CDK14: variants seen among roughly 807,000 people sequenced by gnomAD.
CDK14 encodes the protein cyclin dependent kinase 14, also known as cyclin-dependent kinase 14.
A neutral mutation model predicts 60.7 loss-of-function variants in CDK14; 34 were observed. The ratio of observed to expected loss-of-function variants is 0.56; its 90% CI spans 0.43 to 0.75. The LOEUF (loss-of-function observed/expected upper bound fraction) is 0.75. Ranked by LOEUF, CDK14 falls within the 30% of genes least tolerant of loss-of-function variation. The pLI, the probability that CDK14 is intolerant of heterozygous loss-of-function variation, is 0.00. For missense variants in CDK14, 482 were observed against 564.1 expected (o/e 0.85, Z 1.47); for synonymous variants, 197 against 203.7 (o/e 0.97, Z 0.28).
At chr7:90,656,878 C>T (rs1489127480) in intron 2 of CDK14, among the ~76,000 whole-genome samples, 7 of 152,032 alleles carry the variant, frequency 4.6e-5, no homozygotes, top group Non-Finnish European at 1.0e-4. Flanking sequence ...AAAACAGGCA[C>T]AACTAACAAT....
chr7:91,119,521 C>T (rs1368962582), intron 14 of CDK14, among the ~76,000 whole-genome samples: 1 of 152,106 alleles, frequency 6.6e-6, no homozygotes, highest in Non-Finnish European at 1.5e-5. Flanking sequence ...GTTCAAGTAA[C>T]TCAAAGGATA....
chr7:91,047,175 A>G (rs753919248), intron 11 of CDK14, among the ~76,000 whole-genome samples: 1 of 152,154 alleles, frequency 6.6e-6, no homozygotes, highest in South Asian at 2.1e-4. Flanking sequence ...AAACGATCCA[A>G]TTGTGGGCTC....
At chr7:91,144,845 A>C (rs1294008110) in intron 14 of CDK14, among the ~76,000 whole-genome samples, 1 of 152,174 alleles carries the variant, frequency 6.6e-6, no homozygotes, top group Non-Finnish European at 1.5e-5. Context: ...AAAAAGAAAA[A>C]CATAAGCAAC....
intron 12 of CDK14, among the ~76,000 whole-genome samples, chr7:91,080,363 C>T (rs1798451915): frequency 6.6e-6 from 1 of 152,090 alleles, no homozygotes; most frequent in African/African-American, 2.4e-5. Flanking sequence ...CAGCTAATGG[C>T]GAGGAACTCA....
intron 3 of CDK14, among the ~76,000 whole-genome samples, chr7:90,738,377 GTTATTA>G (rs1429299777): frequency 6.6e-6 from 1 of 151,976 alleles, no homozygotes; most frequent in African/African-American, 2.4e-5. Flanking sequence ...TTAGCTAGTT[GTTATTA>G]TTATTACACA....
chr7:91,118,010 C>A (rs980182276), intron 13 of CDK14, 55 bp from the exon 14 acceptor site: 8 of 1,002,862 alleles, frequency 8.0e-6, no homozygotes, highest in South Asian at 3.3e-5. Context: ...AAAAAAAAAA[C>A]ATGATTATAA....
At position 90,886,052 on chromosome 7, in the gene CDK14, T is replaced by G. The variant is rs541061087; in HGVS notation, c.640-13239T>G. ...TTAGAAGAAATAAATAAAAAATAAT[T>G]TTTGGATAAATTTAAAATTCTTAAA... On this transcript the variant is annotated intron_variant, in intron 6 of 14. Transcript: ENST00000380050. 6.6e-5 allele frequency among the ~76,000 whole-genome samples: 10 copies of G among 152,230 alleles called. No individual in the cohort carries two copies. The East Asian group carries it at 1.7e-3, about 26-fold the overall frequency.
At chr7:91,154,944 T>C (rs1800942142) in intron 14 of CDK14, among the ~76,000 whole-genome samples, 1 of 152,182 alleles carries the variant, frequency 6.6e-6, no homozygotes, top group Non-Finnish European at 1.5e-5. Context: ...GAAGTGGATG[T>C]TTCAGTGATG....
chr7:90,749,793 A>G (rs1161020104), intron 4 of CDK14, among the ~76,000 whole-genome samples: 2 of 152,110 alleles, frequency 1.3e-5, no homozygotes, highest in Non-Finnish European at 2.9e-5. Flanking sequence ...GTGGCTTTCT[A>G]CTGGATTCTC....
intron 5 of CDK14, among the ~76,000 whole-genome samples, chr7:90,849,610 C>T (rs1790579572): frequency 6.6e-6 from 1 of 151,936 alleles, no homozygotes; most frequent in Non-Finnish European, 1.5e-5. Flanking sequence ...AGCAGTGATG[C>T]TTGTTGAAGG....
chr7:91,070,564 G>A (rs2116176599), intron 11 of CDK14, among the ~76,000 whole-genome samples: 1 of 152,224 alleles, frequency 6.6e-6, no homozygotes, highest in Non-Finnish European at 1.5e-5. Context: ...TTTGAGACCA[G>A]CATGGGCAAC....
Position 90,733,050 on chromosome 7 carries a change from C to T in CDK14, c.369+6238C>T, listed in dbSNP as rs75422480. Among the ~76,000 whole-genome samples, 17 of 152,168 alleles carry T rather than the reference C, an allele frequency of 1.1e-4. No homozygotes were observed. The East Asian group carries it at 1.5e-3, about 14-fold the overall frequency. Reference sequence around the variant, plus strand: ...TTCTGGTATGTTGTGTCTTTGTTCTCGTTGGTTTCAAAGAACATCTTTATT... The same window carrying T: ...TTCTGGTATGTTGTGTCTTTGTTCTTGTTGGTTTCAAAGAACATCTTTATT... On this transcript the variant is annotated intron_variant, in intron 3 of 14. Coordinates refer to ENST00000380050, the MANE Select transcript of CDK14 (RefSeq NM_001287135.2).
At chr7:91,030,506 C>A (rs1796731372) in intron 10 of CDK14, among the ~76,000 whole-genome samples, 1 of 152,102 alleles carries the variant, frequency 6.6e-6, no homozygotes, top group African/African-American at 2.4e-5. Context: ...GAGGTGGCAC[C>A]TCCTTTCAGT....
intron 6 of CDK14, among the ~76,000 whole-genome samples, chr7:90,874,983 T>G (rs1791510672): frequency 6.6e-6 from 1 of 152,158 alleles, no homozygotes; most frequent in African/African-American, 2.4e-5. Flanking sequence ...TTCATTACCC[T>G]AAAGAGAATC....
At chr7:91,147,171 C>CTCTG (rs1800678016) in intron 14 of CDK14, among the ~76,000 whole-genome samples, 1 of 94,334 alleles carries the variant, frequency 1.1e-5, no homozygotes, top group Admixed American at 9.9e-5. Context: ...CTCACACACA[C>CTCTG]ACACACACAC....
chr7:91,199,220 C>T (rs1254877414), intron 14 of CDK14, among the ~76,000 whole-genome samples: 1 of 152,054 alleles, frequency 6.6e-6, no homozygotes, highest in Non-Finnish European at 1.5e-5. Flanking sequence ...TTAACCTTGT[C>T]ATTAAAACTG....
intron 9 of CDK14, among the ~76,000 whole-genome samples, chr7:90,971,053 C>T (rs1001145547): frequency 1.3e-5 from 2 of 152,014 alleles, no homozygotes; most frequent in Non-Finnish European, 2.9e-5. Flanking sequence ...GGTGTATCTC[C>T]TAATGCCATC....
chr7:90,885,498 A>C (rs544432204), intron 6 of CDK14, among the ~76,000 whole-genome samples: 1 of 152,202 alleles, frequency 6.6e-6, no homozygotes, highest in Non-Finnish European at 1.5e-5. Flanking sequence ...TTTGTGGAAG[A>C]CAGTGTGGCG....
intron 6 of CDK14, among the ~76,000 whole-genome samples, chr7:90,892,787 AT>A (rs1792176027): frequency 6.6e-6 from 1 of 151,844 alleles, no homozygotes; most frequent in Non-Finnish European, 1.5e-5. Flanking sequence ...TTTTGTTTTT[AT>A]TTTTGTTTTT....
Sources: gnomAD v4.1 joint callset for allele counts (sites outside exome capture counted in the v4.1 genomes callset) on GRCh38, gnomAD v4.1.1 for gene constraint, MANE v1.5 for transcripts, NCBI Gene and HGNC (gene_info 2026-07-23, HGNC 2026-07-21) for gene names.